CLCN5: variants seen among roughly 807,000 people sequenced by gnomAD.
CLCN5 encodes the protein Cl-/H+ antiporter 5, also known as H(+)/Cl(-) exchange transporter 5.
In CLCN5, 17 loss-of-function variants were observed where a neutral mutation model predicts 54.0. That is an observed-to-expected ratio of 0.31 (90% CI 0.22 to 0.47). The LOEUF (loss-of-function observed/expected upper bound fraction) is 0.47. CLCN5 is among the 20% of genes least tolerant of loss of function. The pLI is 1.00. For synonymous variants in CLCN5, 222 were observed against 233.0 expected, an observed-to-expected ratio of 0.95 and a Z score of 0.43; for missense variants, 448 against 646.7, an observed-to-expected ratio of 0.69 and a Z score of 3.33.
rs150499876 is a variant in CLCN5, at chrX:49,928,413, T to C, written c.16+3099T>C. On this transcript the variant is annotated intron_variant, in intron 3 of 14. Transcript: ENST00000376091. ...GCCATATAAGTGTATGCCATTATTA[T>C]AATAGTAAAACATTTAGAATATTGT... Among the ~76,000 whole-genome samples the C allele has an allele frequency of 5.0e-3, 562 of 112,431 alleles. 5 individuals are homozygous for C. Among genetic ancestry groups the C allele is most frequent in the African/African-American group, 0.017 (527 of 30,978 alleles).
At chrX:50,067,494 G>A (rs781859609) in intron 4 of CLCN5, 5 of 485,393 alleles carry the variant, frequency 1.0e-5, no homozygotes, top group African/African-American at 2.7e-5. Context: ...TTCTGTGCCC[G>A]GTTAAAAATC....
chrX:49,952,803 A>G (rs782662128), intron 3 of CLCN5, among the ~76,000 whole-genome samples: 37 of 112,237 alleles, frequency 3.3e-4, no homozygotes, highest in African/African-American at 1.1e-3. Context: ...AATAAGAAAC[A>G]ACAAATTTTA....
intron 4 of CLCN5, among the ~76,000 whole-genome samples, chrX:50,059,694 T>C (rs1932820035): frequency 9.1e-6 from 1 of 109,693 alleles, no homozygotes; most frequent in East Asian, 2.9e-4. Flanking sequence ...TGTCATTAAA[T>C]CTTGTTTTAG....
intron 3 of CLCN5, among the ~76,000 whole-genome samples, chrX:50,006,410 G>T (rs1310813687): frequency 8.0e-4 from 90 of 112,035 alleles, no homozygotes; most frequent in African/African-American, 2.7e-3. Flanking sequence ...ACAGAGCAGA[G>T]AGTGCCTGTC....
At chrX:49,952,156 C>G (rs1343072298) in intron 3 of CLCN5, among the ~76,000 whole-genome samples, 1 of 111,364 alleles carries the variant, frequency 9.0e-6, no homozygotes, top group African/African-American at 3.3e-5. Flanking sequence ...ATTGTAGCTC[C>G]TACCATGGGG....
At chrX:50,056,162 C>T (rs985574189) in intron 4 of CLCN5, among the ~76,000 whole-genome samples, 2 of 110,250 alleles carry the variant, frequency 1.8e-5, no homozygotes, top group Non-Finnish European at 3.8e-5. Flanking sequence ...TTGAAATTTT[C>T]CCCCCACTAA....
chrX:50,078,334 A>G (rs782817077), intron 7 of CLCN5, among the ~76,000 whole-genome samples: 50 of 111,324 alleles, frequency 4.5e-4, no homozygotes, highest in African/African-American at 1.6e-3. Flanking sequence ...ATCCTGTCAC[A>G]CACACACACA....
At position 50,092,210 on chromosome X, in the gene CLCN5, C is replaced by T. The variant is rs781970170; in HGVS notation, c.2442C>T (p.Leu814=). The T allele has an allele frequency of 1.7e-6, 2 of 1,173,723 alleles. No individual in the cohort carries two copies. The highest frequency in any genetic ancestry group is 1.8e-5 in the South Asian group (1 of 56,109). ...CGAACCAAGATCCTGATTCCATTCT[C>T]TTCAACTAGAATCATAGAGTTCTGG... is the stretch of plus-strand genomic sequence containing the variant. ...QMANQDPDSI[L]FN is the part of the protein sequence containing the mutation. Residue 814 remains leucine (L), a synonymous_variant, in exon 15 of 15, where the codon CTC becomes CTT. Coordinates refer to ENST00000376091, the MANE Select transcript of CLCN5 (RefSeq NM_001127898.4).
intron 7 of CLCN5, among the ~76,000 whole-genome samples, chrX:50,077,401 T>G (rs1933447209): frequency 9.1e-6 from 1 of 109,646 alleles, no homozygotes; most frequent in African/African-American, 3.3e-5. Context: ...GGAATTTTTT[T>G]TCAAAAATTA....
chrX:49,945,556 G>A (rs1403466833), intron 3 of CLCN5: 2 of 104,987 alleles, frequency 1.9e-5, no homozygotes, highest in Admixed American at 2.1e-4. Context: ...CGATTCTTCT[G>A]CCTCTCCAGT....
rs782580061 is a variant in CLCN5, at chrX:50,088,095, G to T, written c.1558-603G>T. 9.8e-5 allele frequency among the ~76,000 whole-genome samples: 11 copies of T among 111,995 alleles called. No individual in the cohort carries two copies. The South Asian group carries it at 4.1e-3, about 42-fold the overall frequency. ...AAACCTCATGTGCTATATCCTTTTT[G>T]TGTGAGCAATGGGCTAAGATTCAAT... is the stretch of plus-strand genomic sequence containing the variant. On this transcript the variant is annotated intron_variant, in intron 11 of 14. Transcript: ENST00000376091.
intron 4 of CLCN5, among the ~76,000 whole-genome samples, chrX:50,066,319 T>C (rs1933020979): frequency 9.0e-6 from 1 of 111,281 alleles, no homozygotes; most frequent in African/African-American, 3.3e-5. Context: ...TCCTCCTCCT[T>C]AATGCTAGAT....
chrX:49,948,700 A>C (rs151146487), intron 3 of CLCN5, among the ~76,000 whole-genome samples: 24 of 112,072 alleles, frequency 2.1e-4, no homozygotes, highest in African/African-American at 7.5e-4. Flanking sequence ...GAACCAGAAC[A>C]CATGAGCAAT....
rs368679055 is a variant in CLCN5 at position 50,008,310 on chromosome X, C to T, written c.17-34006C>T. On this transcript the variant is annotated intron_variant, in intron 3 of 14. Transcript: ENST00000376091. ...GAGAACAGACAAAATGTGTGTTTAA[C>T]TAGACATCTTTAATGCAAAGCTCAA... 1.1e-4 allele frequency: 22 copies of T among 206,321 alleles called. No individual in the cohort carries two copies. In the East Asian group the frequency reaches 1.2e-3, roughly 11 times the overall value. 17.0% of individuals were successfully genotyped at this position (206,321 alleles called of 1,213,427 possible).
chrX:50,090,039 C>T (rs1934033495), intron 12 of CLCN5, 77 bp from the exon 13 acceptor site: 1 of 1,092,813 alleles, frequency 9.2e-7, no homozygotes, highest in Admixed American at 2.2e-5. Context: ...GGTAGGTCAG[C>T]TTTTCCTGGA....
At chrX:49,994,074 C>A (rs1203217106) in intron 3 of CLCN5, among the ~76,000 whole-genome samples, 2 of 111,743 alleles carry the variant, frequency 1.8e-5, no homozygotes, top group Non-Finnish European at 3.8e-5. Context: ...AAAAGAGAAT[C>A]GACATTCTAA....
chrX:50,009,639 A>T (rs1372165858), intron 3 of CLCN5: 4 of 369,118 alleles, frequency 1.1e-5, no homozygotes, highest in African/African-American at 1.0e-4. Context: ...GCACACAGAG[A>T]TACTTTGCAG....
intron 3 of CLCN5, among the ~76,000 whole-genome samples, chrX:49,936,493 G>A (rs1271649250): frequency 2.7e-5 from 3 of 112,145 alleles, no homozygotes; most frequent in Non-Finnish European, 3.8e-5. Flanking sequence ...TTGAATTTGC[G>A]TTTGGATGGG....
intron 4 of CLCN5, among the ~76,000 whole-genome samples, chrX:50,055,771 C>T: frequency 9.0e-6 from 1 of 111,593 alleles, no homozygotes; most frequent in Non-Finnish European, 1.9e-5. Context: ...CCTTCCAGTT[C>T]TTTCTCTATC....
Sources: allele counts gnomAD v4.1 joint callset (sites outside exome capture counted in the v4.1 genomes callset), GRCh38; gene constraint gnomAD v4.1.1; transcripts MANE v1.5; gene names NCBI Gene and HGNC (gene_info 2026-07-23, HGNC 2026-07-21).